The following KCNAB1 variants were observed in gnomAD, a reference collection of about 807,000 sequenced individuals.
KCNAB1 encodes the protein potassium voltage-gated channel subfamily A regulatory beta subunit 1.
Under a neutral mutation model 64.6 loss-of-function variants are expected in KCNAB1, and 35 were observed. The observed-to-expected ratio is 0.54, with a 90% CI of 0.41 to 0.72. The LOEUF is 0.72. KCNAB1 is among the 30% of genes least tolerant of loss of function. KCNAB1 has a pLI of 0.00. For missense variants in KCNAB1, 401 were observed against 512.9 expected (o/e 0.78, Z 2.11); for synonymous variants, 177 against 183.8 (o/e 0.96, Z 0.30).
At chr3:156,482,811 A>G (rs754556964) in intron 8 of KCNAB1, among the ~76,000 whole-genome samples, 1 of 152,050 alleles carries the variant, frequency 6.6e-6, no homozygotes, top group Non-Finnish European at 1.5e-5. Context: ...CGAAATTTAG[A>G]GCTACCATTT....
downstream of KCNAB1, chr3:156,538,806 T>A (rs1453378048): frequency 6.6e-6 from 1 of 152,380 alleles, no homozygotes; most frequent in East Asian, 1.9e-4. Flanking sequence ...AATCCAAACA[T>A]ATTCTATCAT....
At chr3:156,175,736 C>T (rs1712325442) in intron 1 of KCNAB1, 1 of 549,784 alleles carries the variant, frequency 1.8e-6, no homozygotes, top group Admixed American at 2.2e-5. Flanking sequence ...ATGGCCACCA[C>T]CTCCTCTGTT....
chr3:156,162,449 T>C (rs1236266620), intron 1 of KCNAB1, among the ~76,000 whole-genome samples: 2 of 152,168 alleles, frequency 1.3e-5, no homozygotes, highest in African/African-American at 4.8e-5. Context: ...ATTAATTAGT[T>C]GCCACCAGTC....
intron 1 of KCNAB1, among the ~76,000 whole-genome samples, chr3:156,285,860 G>A (rs983533319): frequency 1.3e-5 from 2 of 152,208 alleles, no homozygotes; most frequent in African/African-American, 2.4e-5. Context: ...CTTGCCTTGA[G>A]CATATAAAGT....
chr3:156,438,737 C>T (rs946341965), intron 2 of KCNAB1, among the ~76,000 whole-genome samples: 3 of 152,096 alleles, frequency 2.0e-5, no homozygotes, highest in Non-Finnish European at 4.4e-5. Context: ...GTAGGCTGAC[C>T]GGGCGTGGTG....
chr3:156,182,639 G>A (rs571980815), intron 1 of KCNAB1, among the ~76,000 whole-genome samples: 65 of 134,130 alleles, frequency 4.8e-4, no homozygotes, highest in African/African-American at 1.6e-3. Context: ...TCCCCCCCCC[G>A]GGTCTTATCT....
At chr3:156,265,760 C>T (rs577839408) in intron 1 of KCNAB1, among the ~76,000 whole-genome samples, 45 of 152,162 alleles carry the variant, frequency 3.0e-4, no homozygotes, top group Middle Eastern at 6.8e-3. Flanking sequence ...TTTGGGAGTC[C>T]GAGGTGGGCG....
intron 1 of KCNAB1, among the ~76,000 whole-genome samples, chr3:156,233,492 C>T (rs1180612836): frequency 5.9e-5 from 9 of 152,076 alleles, no homozygotes; most frequent in African/African-American, 9.7e-5. Context: ...AGAAACAACA[C>T]GAATGGAGTG....
At chr3:156,445,804 G>C (rs1360413961) in intron 2 of KCNAB1, among the ~76,000 whole-genome samples, 1 of 152,156 alleles carries the variant, frequency 6.6e-6, no homozygotes, top group Non-Finnish European at 1.5e-5. Flanking sequence ...GGTCAATATG[G>C]TAATAGCAGT....
chr3:156,364,710 G>A (rs2071753580), intron 1 of KCNAB1, among the ~76,000 whole-genome samples: 1 of 152,072 alleles, frequency 6.6e-6, no homozygotes, highest in Non-Finnish European at 1.5e-5. Flanking sequence ...CCTGGGAGGT[G>A]GAGGTTCCGG....
chr3:156,138,913 C>T (rs772571698), intron 1 of KCNAB1, among the ~76,000 whole-genome samples: 35 of 152,262 alleles, frequency 2.3e-4, no homozygotes, highest in South Asian at 1.5e-3. Context: ...CCAGGCCTCC[C>T]GTGCTCCATC....
intron 1 of KCNAB1, among the ~76,000 whole-genome samples, chr3:156,122,996 C>A (rs979808998): frequency 6.6e-6 from 1 of 152,098 alleles, no homozygotes; most frequent in Non-Finnish European, 1.5e-5. Flanking sequence ...TTAATGTTAG[C>A]GATAGAATGT....
intron 1 of KCNAB1, among the ~76,000 whole-genome samples, chr3:156,237,072 G>C (rs1489139045): frequency 1.3e-5 from 2 of 152,166 alleles, no homozygotes; most frequent in African/African-American, 4.8e-5. Context: ...GTAGACAACT[G>C]TTTGTCCTCA....
chr3:156,338,170 ATCAG>A (rs921044055), intron 1 of KCNAB1, among the ~76,000 whole-genome samples: 1 of 152,184 alleles, frequency 6.6e-6, no homozygotes, highest in Non-Finnish European at 1.5e-5. Context: ...CCAAGGTCAC[ATCAG>A]TCAGTTTGCT....
chr3:156,474,970 C>T (rs540238260), intron 8 of KCNAB1, 150 bp downstream of exon 8: 2 of 614,520 alleles, frequency 3.3e-6, no homozygotes, highest in South Asian at 4.0e-5. Context: ...TTGGCCTCAG[C>T]GTTTAACCCC....
At chr3:156,458,291 A>T (rs6441071) in intron 4 of KCNAB1, among the ~76,000 whole-genome samples, 4,099 of 152,322 alleles carry the variant, frequency 0.027, 195 homozygotes, top group African/African-American at 0.093. Context: ...AGGCCATCCA[A>T]GTCCCAGCCT....
At chr3:156,264,137 C>G (rs550405743) in intron 1 of KCNAB1, among the ~76,000 whole-genome samples, 1 of 152,078 alleles carries the variant, frequency 6.6e-6, no homozygotes, top group East Asian at 1.9e-4. Flanking sequence ...AATGTACTGG[C>G]AGTTCTATTT....
chr3:156,354,158 A>G (rs1017120311), intron 1 of KCNAB1, among the ~76,000 whole-genome samples: 2 of 141,794 alleles, frequency 1.4e-5, no homozygotes, highest in African/African-American at 2.5e-5. Flanking sequence ...ATATATATAT[A>G]TGTATATATT....
intron 1 of KCNAB1, among the ~76,000 whole-genome samples, chr3:156,265,438 C>T (rs1261130851): frequency 6.6e-6 from 1 of 152,150 alleles, no homozygotes; most frequent in Non-Finnish European, 1.5e-5. Flanking sequence ...CCCAAAGAGG[C>T]CCTGATTCAG....
Sources: allele counts gnomAD v4.1 joint callset (sites outside exome capture counted in the v4.1 genomes callset), GRCh38; gene constraint gnomAD v4.1.1; transcripts MANE v1.5; gene names NCBI Gene and HGNC (gene_info 2026-07-23, HGNC 2026-07-21).